The following BABAM2 variants were observed in gnomAD, a reference collection of about 807,000 sequenced individuals.
The protein encoded by BABAM2 is BRISC and BRCA1-A complex member 2.
In BABAM2, 31 loss-of-function variants were observed where a neutral mutation model predicts 54.7. The observed-to-expected ratio is 0.57, with a 90% CI of 0.43 to 0.77. The LOEUF (loss-of-function observed/expected upper bound fraction) is 0.77. BABAM2 is among the 30% of genes least tolerant of loss of function. The pLI is 0.00. For missense variants in BABAM2, 364 were observed against 455.8 expected, an observed-to-expected ratio of 0.80 and a Z score of 1.83; for synonymous variants, 167 against 162.9, an observed-to-expected ratio of 1.03 and a Z score of -0.19.
chr2:28,146,387 A>G (rs1671495077), intron 7 of BABAM2, among the ~76,000 whole-genome samples: 1 of 152,204 alleles, frequency 6.6e-6, no homozygotes, highest in Non-Finnish European at 1.5e-5. Context: ...CCTACATTAG[A>G]TCATTTATGT....
intron 4 of BABAM2, chr2:28,015,949 C>G (rs1674777065): frequency 1.7e-6 from 1 of 587,206 alleles, no homozygotes; most frequent in Non-Finnish European, 3.1e-6. Flanking sequence ...ATATATCTTT[C>G]TCTTTTTTCT....
intron 10 of BABAM2, among the ~76,000 whole-genome samples, chr2:28,288,325 T>G (rs984250881): frequency 2.0e-5 from 3 of 148,124 alleles, no homozygotes; most frequent in Non-Finnish European, 4.4e-5. Context: ...GTGGCTTTTC[T>G]TTTCTTTTTT....
chr2:28,336,352 A>G (rs546361667), intron 11 of BABAM2, among the ~76,000 whole-genome samples: 2 of 152,348 alleles, frequency 1.3e-5, no homozygotes, highest in South Asian at 2.1e-4. Context: ...GCATTTTCAG[A>G]TACATAAAAG....
intron 7 of BABAM2, among the ~76,000 whole-genome samples, chr2:28,137,233 C>T (rs752608926): frequency 2.6e-5 from 4 of 152,118 alleles, no homozygotes; most frequent in Non-Finnish European, 5.9e-5. Context: ...TTTAGCCTTA[C>T]TCATGTTTTC....
intron 7 of BABAM2, among the ~76,000 whole-genome samples, chr2:28,213,787 G>A (rs1316037530): frequency 2.0e-5 from 3 of 151,824 alleles, no homozygotes; most frequent in Non-Finnish European, 4.4e-5. Context: ...TTCCTTTACT[G>A]GAACTCATGC....
At chr2:28,335,034 G>T (rs1265297474) in intron 11 of BABAM2, among the ~76,000 whole-genome samples, 2 of 152,098 alleles carry the variant, frequency 1.3e-5, no homozygotes, top group African/African-American at 2.4e-5. Flanking sequence ...GATGGAAGAG[G>T]GTGCTTTTTC....
chr2:27,985,189 C>T (rs1386728459), intron 3 of BABAM2, among the ~76,000 whole-genome samples: 3 of 151,026 alleles, frequency 2.0e-5, no homozygotes, highest in South Asian at 4.2e-4. Context: ...TATAAGCATG[C>T]GTGTGCAAGT....
At chr2:27,984,179 G>A (rs1672229852) in intron 3 of BABAM2, among the ~76,000 whole-genome samples, 1 of 151,864 alleles carries the variant, frequency 6.6e-6, no homozygotes, top group Admixed American at 6.6e-5. Flanking sequence ...TTTTTAGAAT[G>A]TCAAGGGACA....
intron 11 of BABAM2, chr2:28,309,941 C>A: frequency 1.2e-6 from 1 of 821,142 alleles, no homozygotes; most frequent in Non-Finnish European, 2.0e-6. Flanking sequence ...GCTCACCCGT[C>A]CCTCCTGGGC....
At chr2:28,054,195 C>T (rs1012166620) in intron 6 of BABAM2, among the ~76,000 whole-genome samples, 4 of 151,968 alleles carry the variant, frequency 2.6e-5, no homozygotes, top group South Asian at 2.1e-4. Context: ...TAAATAGATA[C>T]GTAAAGGGAT....
At chr2:28,281,156 G>C (rs1290870956) in intron 10 of BABAM2, among the ~76,000 whole-genome samples, 1 of 152,108 alleles carries the variant, frequency 6.6e-6, no homozygotes, top group South Asian at 2.1e-4. Context: ...AGAAGGAAAG[G>C]CTACCTAGGC....
chr2:28,245,352 A>G (rs1425487816), intron 10 of BABAM2, among the ~76,000 whole-genome samples: 2 of 152,206 alleles, frequency 1.3e-5, no homozygotes, highest in Non-Finnish European at 2.9e-5. Context: ...TTTGGTTATC[A>G]TCCTTATTCA....
intron 3 of BABAM2, among the ~76,000 whole-genome samples, chr2:27,985,704 A>G (rs1005088152): frequency 6.6e-6 from 1 of 152,238 alleles, no homozygotes; most frequent in Admixed American, 6.6e-5. Context: ...GATCAATTAT[A>G]TGTACTCACC....
chr2:27,968,831 A>G (rs959986187), intron 3 of BABAM2, among the ~76,000 whole-genome samples: 1 of 152,246 alleles, frequency 6.6e-6, no homozygotes, highest in Non-Finnish European at 1.5e-5. Context: ...GCTCATAGGT[A>G]GAAGGGACTT....
chr2:27,906,490 C>T (rs986247171), intron 2 of BABAM2, among the ~76,000 whole-genome samples: 3 of 152,094 alleles, frequency 2.0e-5, no homozygotes, highest in African/African-American at 7.2e-5. Flanking sequence ...GTTTTATGGC[C>T]TTTTGTATTT....
intron 2 of BABAM2, among the ~76,000 whole-genome samples, chr2:27,919,846 T>C (rs1205238894): frequency 6.6e-6 from 1 of 152,162 alleles, no homozygotes; most frequent in Admixed American, 6.5e-5. Context: ...TACTCTAAAG[T>C]AGAGTTGAAG....
At chr2:28,109,184 C>CTTTTTTT (rs764380110) in intron 6 of BABAM2, among the ~76,000 whole-genome samples, 2 of 101,890 alleles carry the variant, frequency 2.0e-5, no homozygotes, top group Non-Finnish European at 4.0e-5. Context: ...GACACATACT[C>CTTTTTTT]TTTTTTTTTT....
At chr2:28,191,561 A>T (rs1676909065) in intron 7 of BABAM2, among the ~76,000 whole-genome samples, 1 of 152,262 alleles carries the variant, frequency 6.6e-6, no homozygotes, top group African/African-American at 2.4e-5. Context: ...CCTCAGCAAT[A>T]AAAATGAGTA....
chr2:27,915,202 G>A (rs1335327430), intron 2 of BABAM2, among the ~76,000 whole-genome samples: 1 of 152,098 alleles, frequency 6.6e-6, no homozygotes, highest in Non-Finnish European at 1.5e-5. Context: ...GGTCAATTGA[G>A]GTTTTTAGCT....
Sources: allele counts gnomAD v4.1 joint callset (sites outside exome capture counted in the v4.1 genomes callset), GRCh38; gene constraint gnomAD v4.1.1; transcripts MANE v1.5; gene names NCBI Gene and HGNC (gene_info 2026-07-23, HGNC 2026-07-21).